Variants in MADD observed in about 807,000 individuals in gnomAD.
MADD encodes the protein MAP kinase-activating death domain protein.
Under a neutral mutation model 176.7 loss-of-function variants are expected in MADD, and 109 were observed. The ratio of observed to expected loss-of-function variants is 0.62; its 90% confidence interval spans 0.53 to 0.72. The LOEUF (loss-of-function observed/expected upper bound fraction) is 0.72, where lower values mean the gene tolerates loss of function less well. MADD is among the 30% of genes least tolerant of loss of function. The probability of loss-of-function intolerance (pLI) is 0.00; values close to 1 mark genes in which losing one functional copy is unlikely to be tolerated. For synonymous variants in MADD, 771 were observed against 771.3 expected, an observed-to-expected ratio of 1.00 and a Z score of 0.01; for missense variants, 1,914 against 2,045.5, an observed-to-expected ratio of 0.94 and a Z score of 1.24.
chr11:47,274,689 C>T (rs1054367835), exon 3 of MADD: 12 of 1,614,096 alleles, frequency 7.4e-6, no homozygotes, highest in African/African-American at 2.7e-5. Context: ...GCTGCCTGAG[C>T]GTGCGGCAGC....
chr11:47,280,561 A>G (rs573126124), intron 7 of MADD, among the ~76,000 whole-genome samples: 1 of 152,046 alleles, frequency 6.6e-6, no homozygotes, highest in East Asian at 1.9e-4. Context: ...TAAATTAATT[A>G]ATTAATTTAT....
chr11:47,300,358 G>T lies in MADD; in HGVS notation c.3642+4303G>T, dbSNP rs1360101967. On this transcript the variant is annotated intron_variant, in intron 22 of 32. Coordinates refer to ENST00000402192, the Ensembl canonical transcript of MADD. The stretch of plus-strand genomic sequence containing the variant: ...AGTAGCTGGGATTACAGGCGCCCAC[G>T]ACCACGCCTGGCTAATTTTTGTATT... Among the ~76,000 whole-genome samples, 8 of 148,258 alleles carry T rather than the reference G, an allele frequency of 5.4e-5. 1 individual carries two copies. The highest frequency in any genetic ancestry group is 7.1e-3 in the Middle Eastern group (2 of 280).
chr11:47,274,632 T>C (rs1295344699), exon 3 of MADD: 5 of 1,614,202 alleles, frequency 3.1e-6, no homozygotes, highest in Admixed American at 3.3e-5. Flanking sequence ...AGGATCACAC[T>C]GAGTTTCCCC....
chr11:47,290,669 C>A, exon 19 of MADD: 2 of 1,614,118 alleles, frequency 1.2e-6, no homozygotes, highest in Non-Finnish European at 8.5e-7. Context: ...TGGCAAGGAT[C>A]CTGGCCTAGC....
At chr11:47,319,607 T>G (rs1454950027) in intron 27 of MADD, among the ~76,000 whole-genome samples, 3 of 152,234 alleles carry the variant, frequency 2.0e-5, no homozygotes, top group Non-Finnish European at 4.4e-5. Flanking sequence ...ATGTGACTCC[T>G]TTCAGATTAT....
At chr11:47,298,611 A>G (rs2075076422) in intron 22 of MADD, among the ~76,000 whole-genome samples, 1 of 152,110 alleles carries the variant, frequency 6.6e-6, no homozygotes. Flanking sequence ...GTTTGTAAAT[A>G]TTTTCTCCCA....
intron 25 of MADD, among the ~76,000 whole-genome samples, chr11:47,310,963 A>G (rs2088502311): frequency 6.6e-6 from 1 of 151,778 alleles, no homozygotes; most frequent in Non-Finnish European, 1.5e-5. Context: ...ACAGCCCTAT[A>G]TCTTACAGAA....
In MADD at chr11:47,290,003, C is replaced by T. The variant is rs377633465; in HGVS notation, c.2893C>T (p.Arg965Cys). 20 of 1,614,126 alleles carry T rather than the reference C, an allele frequency of 1.2e-5. No individual in the cohort carries two copies. The highest frequency in any genetic ancestry group is 3.3e-5 in the South Asian group (3 of 91,082). ...AGTCTTTGTCCTGAGCAAGCTGAAC[C>T]GCATGGTGCAGTCAGAGGACGATGC... Residue 965 changes from arginine to cysteine, a missense_variant, in exon 17 of 33, where the codon CGC (arginine) becomes TGC (cysteine). Arg to Cys is a radical substitution (Grantham distance 180, BLOSUM62 -3). Transcript: ENST00000402192.
At chr11:47,275,187 G>A in intron 3 of MADD, 28 bp downstream of exon 3, 1 of 1,577,146 alleles carries the variant, frequency 6.3e-7, no homozygotes, top group Non-Finnish European at 8.6e-7. Context: ...TGCCTAATGG[G>A]GGAAGCATTT....
intron 22 of MADD, among the ~76,000 whole-genome samples, chr11:47,302,981 A>C (rs745758525): frequency 6.6e-6 from 1 of 151,630 alleles, no homozygotes; most frequent in Non-Finnish European, 1.5e-5. Flanking sequence ...TTACTTCCAG[A>C]TGTAGGACTC....
chr11:47,285,618 T>C, intron 14 of MADD, 28 bp downstream of exon 14: 13 of 1,613,298 alleles, frequency 8.1e-6, no homozygotes, highest in Non-Finnish European at 1.1e-5. Flanking sequence ...TCTCTCTCAC[T>C]CCTGTGTTCC....
intron 7 of MADD, among the ~76,000 whole-genome samples, chr11:47,279,600 C>T (rs1312258961): frequency 1.3e-5 from 2 of 151,740 alleles, no homozygotes; most frequent in African/African-American, 2.4e-5. Context: ...AGGATGGCCT[C>T]TATCTCCTGA....
At chr11:47,279,332 G>C (rs938377756) in intron 7 of MADD, among the ~76,000 whole-genome samples, 23 of 145,428 alleles carry the variant, frequency 1.6e-4, no homozygotes, top group Non-Finnish European at 3.0e-4. Flanking sequence ...TTCACTCTCT[G>C]TTTCTTGTAT....
intron 23 of MADD, 126 bp from the exon 26 acceptor site, chr11:47,308,854 C>G (rs2085418610): frequency 9.4e-7 from 1 of 1,060,854 alleles, no homozygotes; most frequent in Non-Finnish European, 1.4e-6. Flanking sequence ...CTTACTGGGT[C>G]CAGAACAAGC....
chr11:47,308,022 G>T, intron 22 of MADD, among the ~76,000 whole-genome samples: 1 of 152,230 alleles, frequency 6.6e-6, no homozygotes, highest in East Asian at 1.9e-4. Context: ...TGAAGTTAGT[G>T]ATATTTTTTA....
At chr11:47,307,863 T>C (rs996376836) in intron 22 of MADD, among the ~76,000 whole-genome samples, 5 of 152,042 alleles carry the variant, frequency 3.3e-5, no homozygotes, top group Non-Finnish European at 7.4e-5. Context: ...AGAGACAGGG[T>C]TTCACCATGT....
At chr11:47,292,005 G>A (rs1592916472) in intron 19 of MADD, among the ~76,000 whole-genome samples, 1 of 152,182 alleles carries the variant, frequency 6.6e-6, no homozygotes, top group East Asian at 1.9e-4. Context: ...GGAGCAATGA[G>A]GAGGGATGCT....
intron 12 of MADD, 50 bp downstream of exon 12, chr11:47,284,615 C>T: frequency 1.3e-6 from 2 of 1,583,932 alleles, no homozygotes; most frequent in Non-Finnish European, 1.7e-6. Context: ...GGATGTGGGC[C>T]TCATCTATTA....
intron 27 of MADD, among the ~76,000 whole-genome samples, chr11:47,317,585 C>T (rs2093427427): frequency 6.6e-6 from 1 of 152,046 alleles, no homozygotes; most frequent in African/African-American, 2.4e-5. Flanking sequence ...TTCAGATTCA[C>T]TCTTTTGGGA....
Sources: allele counts gnomAD v4.1 joint callset (sites outside exome capture counted in the v4.1 genomes callset), GRCh38; gene constraint gnomAD v4.1.1; transcripts MANE v1.5; gene names NCBI Gene and HGNC (gene_info 2026-07-23, HGNC 2026-07-21).